The following INKA2 variants were observed in gnomAD, a reference collection of about 807,000 sequenced individuals.
INKA2 encodes inka box actin regulator 2.
A neutral mutation model predicts 9.8 loss-of-function variants in INKA2; 3 were observed. The ratio of observed to expected loss-of-function variants is 0.31; its 90% CI spans 0.14 to 0.79. INKA2 has a LOEUF of 0.79. Ranked by LOEUF, INKA2 falls within the 30% of genes least tolerant of loss-of-function variation. The pLI, the probability that INKA2 is intolerant of heterozygous loss-of-function variation, is 0.62. For synonymous variants in INKA2, 147 were observed against 143.3 expected (o/e 1.03, Z -0.18); for missense variants, 392 against 384.4 (o/e 1.02, Z -0.17).
chr1:111,727,919 G>A lies in INKA2; in HGVS notation c.58-115C>T. On this transcript the variant is annotated intron_variant, in intron 1 of 1. Coordinates refer to ENST00000357260, the MANE Select transcript of INKA2 (RefSeq NM_019099.5). ...ATACACTTCCAGGGTCATCCAGCCT[G>A]CCACCAGCCCCATCTCTCTATAGCC... 3 of 952,988 alleles carry A rather than the reference G, an allele frequency of 3.1e-6. No homozygotes were observed. The South Asian group carries it at 4.1e-5, about 13-fold the overall frequency. 59.0% of individuals were successfully genotyped at this position (952,988 alleles called of 1,614,324 possible). A position where few individuals can be genotyped will look rare whatever the true frequency, so the allele number is the denominator to read the frequency against.
intron 1 of INKA2, among the ~76,000 whole-genome samples, chr1:111,736,815 C>G (rs1663017831): frequency 1.3e-5 from 2 of 152,242 alleles, no homozygotes; most frequent in South Asian, 2.1e-4. Context: ...CAGCCACAAG[C>G]AAGCTGCACT....
chr1:111,747,994 T>C (rs1020014575), intron 1 of INKA2, among the ~76,000 whole-genome samples: 2 of 152,144 alleles, frequency 1.3e-5, no homozygotes, highest in Non-Finnish European at 2.9e-5. Flanking sequence ...GCTAACAATA[T>C]CTCTCCCACC....
At chr1:111,749,450 G>A (rs944876434) in intron 1 of INKA2, among the ~76,000 whole-genome samples, 12 of 121,962 alleles carry the variant, frequency 9.8e-5, no homozygotes, top group East Asian at 1.9e-4. Flanking sequence ...GTGTGTGCGC[G>A]CGCGCGCGTG....
chr1:111,736,339 C>T (rs1393198085), intron 1 of INKA2, among the ~76,000 whole-genome samples: 1 of 152,180 alleles, frequency 6.6e-6, no homozygotes, highest in Non-Finnish European at 1.5e-5. Flanking sequence ...CTTCTCCCAG[C>T]GCTCACCTGT....
chr1:111,750,336 T>C lies in INKA2; in HGVS notation n.124+5365A>G, dbSNP rs1473332273. Among the ~76,000 whole-genome samples the C allele has an allele frequency of 4.6e-5, 7 of 152,160 alleles. No individual in the cohort carries two copies. In the East Asian group the frequency reaches 1.3e-3, roughly 29 times the overall value. On this transcript the variant is annotated intron_variant and non_coding_transcript_variant, in intron 1 of 1. Coordinates refer to the INKA2 transcript ENST00000444059. ...CACCCCATAAGCCATGAGACACATG[T>C]AAAAATGGGTATTTTCCACGTTGGG...
chr1:111,732,930 C>G (rs777358642), intron 1 of INKA2, among the ~76,000 whole-genome samples: 20 of 152,188 alleles, frequency 1.3e-4, no homozygotes, highest in Non-Finnish European at 2.1e-4. Flanking sequence ...CAAAATCGCC[C>G]ACTTTTTGTG....
At chr1:111,749,326 G>A (rs1038507209) in intron 1 of INKA2, among the ~76,000 whole-genome samples, 5 of 152,136 alleles carry the variant, frequency 3.3e-5, no homozygotes, top group South Asian at 2.1e-4. Flanking sequence ...CTCTGTTCTT[G>A]GTGTGGAAGC....
At chr1:111,740,341 T>TG (rs1254375240), upstream of INKA2, among the ~76,000 whole-genome samples, 1 of 152,104 alleles carries the variant, frequency 6.6e-6, no homozygotes, top group Non-Finnish European at 1.5e-5. Context: ...AGGATGGAGT[T>TG]GCGGCCAATA....
At chr1:111,728,849 CT>C (rs1234714175) in intron 1 of INKA2, among the ~76,000 whole-genome samples, 3 of 150,508 alleles carry the variant, frequency 2.0e-5, no homozygotes, top group African/African-American at 7.3e-5. Flanking sequence ...ATGCCCAAAC[CT>C]CCTGTACTAC....
At chr1:111,732,850 C>A (rs1179248669) in intron 1 of INKA2, among the ~76,000 whole-genome samples, 4 of 152,140 alleles carry the variant, frequency 2.6e-5, no homozygotes, top group African/African-American at 7.2e-5. Flanking sequence ...GCCACAGGTG[C>A]CCTCCTGGTG....
rs1294402038 is a variant in INKA2 at position 111,724,233 on chromosome 1, C to T, written c.*2735G>A. On this transcript the variant is annotated 3_prime_UTR_variant, in exon 2 of 2. Transcript: ENST00000357260. ...TTCTGACTAACCAATGGTTCAAAGT[C>T]TGCTTATTTTCCACTGCATCCATTT... 2 of 152,200 alleles carry T rather than the reference C, an allele frequency of 1.3e-5. No individual in the cohort carries two copies. The highest frequency in any genetic ancestry group is 3.8e-4 in the East Asian group (2 of 5,196). 9.4% of individuals were successfully genotyped at this position (152,200 alleles called of 1,614,324 possible).
Position 111,746,848 on chromosome 1 carries a change from G to GACT in INKA2, n.124+8852_124+8853insAGT, listed in dbSNP as rs1307383449. The GACT allele has an allele frequency of 3.9e-5, 6 of 152,150 alleles. No individual in the cohort carries two copies. The East Asian group carries it at 1.2e-3, about 29-fold the overall frequency. The allele number at this position is 152,150 out of a possible 1,614,324, so 9.4% of individuals were successfully genotyped here. On this transcript the variant is annotated intron_variant and non_coding_transcript_variant, in intron 1 of 1. Coordinates refer to the INKA2 transcript ENST00000444059. The stretch of plus-strand genomic sequence containing the variant: ...AGGGGTGTGCTGGAACCATCATGTG[G>GACT]AACTGGCTCTGGTTCCAGAATCCAC...
chr1:111,752,870 T>A (rs948932272), intron 1 of INKA2, among the ~76,000 whole-genome samples: 1 of 151,916 alleles, frequency 6.6e-6, no homozygotes, highest in Non-Finnish European at 1.5e-5. Flanking sequence ...ACTTTTTGTA[T>A]TTTTTTTCTA....
Position 111,726,653 on chromosome 1 carries a change from A to T in INKA2, c.*315T>A. On this transcript the variant is annotated 3_prime_UTR_variant, in exon 2 of 2. Coordinates refer to ENST00000357260, the MANE Select transcript of INKA2 (RefSeq NM_019099.5). ...TTTTCTGATCTCCTCCTCTGCCCTC[A>T]CCTACTGTCACCTCCAGCCCCAAAG... 1 of 358,146 alleles carries T rather than the reference A, an allele frequency of 2.8e-6. No individual in the cohort carries two copies. 22.2% of individuals were successfully genotyped at this position (358,146 alleles called of 1,614,324 possible). A position where few individuals can be genotyped will look rare whatever the true frequency, so the allele number is the denominator to read the frequency against.
In INKA2 at chr1:111,746,759, CT is replaced by C. The variant is rs1305556773; in HGVS notation, n.124+8941del. 4 of 152,170 alleles carry C rather than the reference CT, an allele frequency of 2.6e-5. No individual in the cohort carries two copies. In the East Asian group the frequency reaches 7.7e-4, roughly 29 times the overall value. 9.4% of individuals were successfully genotyped at this position (152,170 alleles called of 1,614,324 possible). A position where few individuals can be genotyped will look rare whatever the true frequency, so the allele number is the denominator to read the frequency against. On this transcript the variant is annotated intron_variant and non_coding_transcript_variant, in intron 1 of 1. Transcript: ENST00000444059. ...CCAAAACCTTGGGAGGTAGGTGCTGCTATTCCTCCATTCTGCAGAGGAGGAA... is the reference window on the plus strand; with the variant it reads ...CCAAAACCTTGGGAGGTAGGTGCTGCATTCCTCCATTCTGCAGAGGAGGAA...
chr1:111,737,303 G>A (rs1266250266), intron 1 of INKA2, among the ~76,000 whole-genome samples: 2 of 152,078 alleles, frequency 1.3e-5, no homozygotes, highest in Non-Finnish European at 2.9e-5. Context: ...ATTCCTATTT[G>A]CCTTTTTTAT....
At chr1:111,738,890 C>T (rs187880910) in intron 1 of INKA2, among the ~76,000 whole-genome samples, 2 of 152,206 alleles carry the variant, frequency 1.3e-5, no homozygotes, top group East Asian at 1.9e-4. Flanking sequence ...CGTCTCTGGG[C>T]GTGCCCTATC....
At chr1:111,735,304 G>A (rs1662987836) in intron 1 of INKA2, among the ~76,000 whole-genome samples, 1 of 152,154 alleles carries the variant, frequency 6.6e-6, no homozygotes. Context: ...ACGCAAAACA[G>A]TCTGATCAAA....
At chr1:111,736,734 G>A (rs1021553222) in intron 1 of INKA2, among the ~76,000 whole-genome samples, 8 of 152,186 alleles carry the variant, frequency 5.3e-5, no homozygotes, top group Non-Finnish European at 7.3e-5. Context: ...CCTAGCTCAT[G>A]ACAGAAACCA....
Sources: gnomAD v4.1 joint callset for allele counts (sites outside exome capture counted in the v4.1 genomes callset) on GRCh38, gnomAD v4.1.1 for gene constraint, MANE v1.5 for transcripts, NCBI Gene and HGNC (gene_info 2026-07-23, HGNC 2026-07-21) for gene names.